Variants in ENG observed in about 807,000 individuals in gnomAD.
ENG encodes endoglin.
In ENG, 17 loss-of-function variants were observed where a neutral mutation model predicts 71.0. The observed-to-expected ratio is 0.24, with a 90% CI of 0.16 to 0.36. The LOEUF (loss-of-function observed/expected upper bound fraction) is 0.36. Ranked by LOEUF, ENG falls within the 10% of genes least tolerant of loss-of-function variation. ENG has a pLI of 1.00. For synonymous variants in ENG, 360 were observed against 366.9 expected, an observed-to-expected ratio of 0.98 and a Z score of 0.21; for missense variants, 749 against 868.3, an observed-to-expected ratio of 0.86 and a Z score of 1.73.
chr9:127,824,361 G>T lies in ENG; in HGVS notation c.1077C>A (p.Ile359=), dbSNP rs1830549327. 4 of 1,614,098 alleles carry T rather than the reference G, an allele frequency of 2.5e-6. No homozygotes were observed. In the East Asian group the frequency reaches 8.9e-5, roughly 36 times the overall value. The change falls in exon 8 of 15, where the codon ATC becomes ATA. Residue 359 remains isoleucine, a synonymous_variant. Transcript: ENST00000373203. ...TGGCGTCGTCGGCACACTTTGTCTG[G>T]ATCAAGGACATGAGCAGCTCCGGGC... ...TCSPELLMSL[I]QTKCADDAMT...
intron 1 of ENG, among the ~76,000 whole-genome samples, chr9:127,847,603 C>T (rs1201428881): frequency 6.6e-6 from 1 of 152,062 alleles, no homozygotes; most frequent in Non-Finnish European, 1.5e-5. Context: ...AAGTGGACCA[C>T]CACACTCAGC....
In ENG at chr9:127,851,425, G is replaced by T. The variant is rs1318367777; in HGVS notation, c.67+2864C>A. Among the ~76,000 whole-genome samples the T allele has an allele frequency of 3.9e-5, 6 of 151,906 alleles. No homozygotes were observed. In the East Asian group the frequency reaches 1.2e-3, roughly 30 times the overall value. On this transcript the variant is annotated intron_variant, in intron 1 of 14. Coordinates refer to ENST00000373203, the MANE Select transcript of ENG (RefSeq NM_001114753.3). ...AGTAGAGACAAGGTTTTGCCATGTT[G>T]GTCAGGCTGGTCATGAACTCCTGAC...
At chr9:127,851,013 C>T (rs903515698) in intron 1 of ENG, among the ~76,000 whole-genome samples, 1 of 151,886 alleles carries the variant, frequency 6.6e-6, no homozygotes, top group Non-Finnish European at 1.5e-5. Flanking sequence ...CAAAAGACTC[C>T]CAAAATGTGG....
Position 127,815,362 on chromosome 9 carries a change from C to G in ENG, c.*320G>C, listed in dbSNP as rs41478248. 8 of 366,222 alleles carry G rather than the reference C, an allele frequency of 2.2e-5. No homozygotes were observed. The highest frequency in any genetic ancestry group is 4.1e-5 in the African/African-American group (2 of 48,606). 22.7% of individuals were successfully genotyped at this position (366,222 alleles called of 1,614,324 possible). ...TCAAGTTCTCCCTTCCTGCCCAGCT[C>G]AGTTCACCAGTGCTGGATCCAGGTT... On this transcript the variant is annotated 3_prime_UTR_variant, in exon 15 of 15. Transcript: ENST00000373203.
chr9:127,815,619 C>T lies in ENG; in HGVS notation c.*63G>A, dbSNP rs575208269. 2.5e-5 allele frequency: 39 copies of T among 1,530,810 alleles called. No homozygotes were observed. In the African/African-American group the frequency reaches 5.2e-4, roughly 20 times the overall value. 94.8% of individuals were successfully genotyped at this position (1,530,810 alleles called of 1,614,324 possible). ...AGGACTGGCTCCCAGGGTGAGTTCA[C>T]ACCAGTGCTCCCAGCTGGCGGCTGC... On this transcript the variant is annotated 3_prime_UTR_variant, in exon 15 of 15. Coordinates refer to ENST00000373203, the MANE Select transcript of ENG (RefSeq NM_001114753.3).
intron 2 of ENG, 50 bp from the exon 3 acceptor site, chr9:127,829,877 G>A: frequency 6.2e-7 from 1 of 1,611,648 alleles, no homozygotes; most frequent in Non-Finnish European, 8.5e-7. Flanking sequence ...ATTTGTATAG[G>A]TTGTGCCACC....
rs1830417314 is a variant in ENG, at chr9:127,819,346, A to G, written c.1311+276T>C. The G allele has an allele frequency of 1.9e-5, 9 of 472,356 alleles. No homozygotes were observed. The Admixed American group carries it at 3.0e-4, about 16-fold the overall frequency. The allele number at this position is 472,356 out of a possible 1,614,324, so 29.3% of individuals were successfully genotyped here. On this transcript the variant is annotated intron_variant, in intron 10 of 14. Coordinates refer to ENST00000373203, the MANE Select transcript of ENG (RefSeq NM_001114753.3). ...GCTGCCCAGAAGCACCCTGTGGCGCAGAGTCCTTTCTTAGGCCACCTTTGG... is the reference window on the plus strand; with the variant it reads ...GCTGCCCAGAAGCACCCTGTGGCGCGGAGTCCTTTCTTAGGCCACCTTTGG...
At chr9:127,842,555 G>T (rs556735863) in intron 2 of ENG, among the ~76,000 whole-genome samples, 208 of 152,184 alleles carry the variant, frequency 1.4e-3, no homozygotes, top group African/African-American at 4.8e-3. Flanking sequence ...CTCCCAAGTA[G>T]CTGGGATTAC....
At chr9:127,828,674 C>G (rs927556949) in intron 3 of ENG, among the ~76,000 whole-genome samples, 8 of 152,110 alleles carry the variant, frequency 5.3e-5, no homozygotes, top group Non-Finnish European at 1.2e-4. Flanking sequence ...ATCCTCTTGG[C>G]CCTGGTGGTT....
chr9:127,840,764 C>T (rs757000217), intron 2 of ENG, among the ~76,000 whole-genome samples: 1 of 152,186 alleles, frequency 6.6e-6, no homozygotes, highest in Non-Finnish European at 1.5e-5. Context: ...GAACATCCCT[C>T]AAAGCCCTGG....
rs1309163187 is a variant in ENG at position 127,838,893 on chromosome 9, A to G, written c.219+4201T>C. The stretch of plus-strand genomic sequence containing the variant: ...CCAAGGCTCTCGGCTGCCACCGCCC[A>G]TCTACCACCCACCCACAGGAAATCT... On this transcript the variant is annotated intron_variant, in intron 2 of 14. Transcript: ENST00000373203. The surrounding 1 kb of genome is among the most constrained non-coding windows in gnomAD (Gnocchi z 4.3). 2.6e-5 allele frequency among the ~76,000 whole-genome samples: 4 copies of G among 152,062 alleles called. No homozygotes were observed. The highest frequency in any genetic ancestry group is 5.9e-5 in the Non-Finnish European group (4 of 67,996).
chr9:127,827,660 A>G (rs76099158), intron 3 of ENG, among the ~76,000 whole-genome samples: 4,236 of 152,262 alleles, frequency 0.028, 161 homozygotes, highest in East Asian at 0.1. Context: ...ATTTTTTATT[A>G]TAATTTTTTA....
intron 2 of ENG, among the ~76,000 whole-genome samples, chr9:127,831,048 C>T (rs779713356): frequency 2.0e-5 from 3 of 152,078 alleles, no homozygotes; most frequent in Non-Finnish European, 4.4e-5. Context: ...TTTATAACAA[C>T]AGCAATACCT....
At chr9:127,817,745 C>T (rs993977040) in intron 12 of ENG, 10 of 399,882 alleles carry the variant, frequency 2.5e-5, no homozygotes, top group African/African-American at 1.4e-4. Flanking sequence ...CTTTGTCCGC[C>T]TCTCTTCCCT....
At chr9:127,848,290 T>C (rs2131927917) in intron 1 of ENG, among the ~76,000 whole-genome samples, 1 of 150,414 alleles carries the variant, frequency 6.6e-6, no homozygotes, top group South Asian at 2.1e-4. Context: ...CACCTGGCCT[T>C]TTTTTTTTAA....
At chr9:127,819,725 T>A (rs1830427490) in intron 9 of ENG, 65 bp from the exon 10 acceptor site, 2 of 1,585,260 alleles carry the variant, frequency 1.3e-6, no homozygotes, top group African/African-American at 2.7e-5. Context: ...TCCCACCCAA[T>A]ACGCCCATTT....
At chr9:127,816,408 C>T (rs542832613) in intron 13 of ENG, 1 of 398,190 alleles carries the variant, frequency 2.5e-6, no homozygotes, top group South Asian at 2.2e-5. Flanking sequence ...TGGGTCAACC[C>T]TGCCCCTCTC....
Position 127,818,151 on chromosome 9 carries a change from G to T in ENG, c.1655C>A (p.Ala552Asp), listed in dbSNP as rs768491175. The T allele has an allele frequency of 2.5e-6, 4 of 1,614,126 alleles. No individual in the cohort carries two copies. The highest frequency in any genetic ancestry group is 2.5e-6 in the Non-Finnish European group (3 of 1,180,066). Residue 552 changes from alanine to aspartate, a missense_variant, in exon 12 of 15, where the codon GCC (alanine) becomes GAC (aspartate). Physicochemically the swap from Ala to Asp is moderately radical, Grantham distance 126 (BLOSUM62 -2). Transcript: ENST00000373203. The part of the protein sequence containing the change: ...PKTGTLSCTV[A>D]LRPKTGSQDQ... ...TTGAGACCCGGTCTTGGGACGCAGG[G>T]CTACCGTGCAGCTGAGGGTGCCGGT...
chr9:127,824,156 T>C, intron 8 of ENG, 148 bp downstream of exon 8: 1 of 1,122,448 alleles, frequency 8.9e-7, no homozygotes, highest in Non-Finnish European at 1.3e-6. Flanking sequence ...GGTACCATTA[T>C]CAATTCCATT....
Sources: allele counts gnomAD v4.1 joint callset (sites outside exome capture counted in the v4.1 genomes callset), GRCh38; gene constraint gnomAD v4.1.1; non-coding constraint Gnocchi (gnomAD v3.1); transcripts MANE v1.5; gene names NCBI Gene and HGNC (gene_info 2026-07-23, HGNC 2026-07-21).